KLF12: variants seen among roughly 807,000 people sequenced by gnomAD.
The protein encoded by KLF12 is Krueppel-like factor 12.
A neutral mutation model predicts 37.8 loss-of-function variants in KLF12; 9 were observed. The ratio of observed to expected loss-of-function variants is 0.24; its 90% CI spans 0.14 to 0.42. The LOEUF (loss-of-function observed/expected upper bound fraction) is 0.42, where lower values mean the gene tolerates loss of function less well. Ranked by LOEUF, KLF12 falls within the 10% of genes least tolerant of loss-of-function variation. The pLI is 1.00. For missense variants in KLF12, 411 were observed against 516.0 expected, an observed-to-expected ratio of 0.80 and a Z score of 1.97; for synonymous variants, 208 against 202.1, an observed-to-expected ratio of 1.03 and a Z score of -0.25.
the KLF12 span, among the ~76,000 whole-genome samples, chr13:74,302,744 C>T: frequency 3.9e-5 from 6 of 152,100 alleles, no homozygotes; most frequent in Admixed American, 2.6e-4. Context: ...AATGTGACTG[C>T]TTGGCTTGGA....
intron 1 of KLF12, among the ~76,000 whole-genome samples, chr13:73,997,749 A>G (rs936557777): frequency 6.6e-6 from 1 of 152,228 alleles, no homozygotes; most frequent in East Asian, 1.9e-4. Flanking sequence ...CTCATGACGC[A>G]TGGTTTTGGT....
At chr13:73,926,055 A>T (rs1889359634) in intron 3 of KLF12, among the ~76,000 whole-genome samples, 1 of 152,098 alleles carries the variant, frequency 6.6e-6, no homozygotes, top group Non-Finnish European at 1.5e-5. Flanking sequence ...GACATTGTTG[A>T]AACAACAACA....
chr13:74,028,052 G>A (rs765060405), intron 1 of KLF12, among the ~76,000 whole-genome samples: 1 of 152,124 alleles, frequency 6.6e-6, no homozygotes, highest in Admixed American at 6.6e-5. Flanking sequence ...TCCATTGCTA[G>A]AAAGTGGCAG....
the KLF12 span, among the ~76,000 whole-genome samples, chr13:74,279,916 C>A: frequency 6.6e-6 from 1 of 152,132 alleles, no homozygotes; most frequent in Non-Finnish European, 1.5e-5. Flanking sequence ...AGGTGAAAGT[C>A]TCTAAGAGCA....
chr13:74,121,515 T>C (rs952783098), intron 1 of KLF12, among the ~76,000 whole-genome samples: 4 of 152,028 alleles, frequency 2.6e-5, no homozygotes, highest in African/African-American at 9.7e-5. Flanking sequence ...AATCCAGCTA[T>C]GCATAAGATC....
the KLF12 span, among the ~76,000 whole-genome samples, chr13:74,214,860 T>C: frequency 6.6e-6 from 1 of 151,964 alleles, no homozygotes; most frequent in Non-Finnish European, 1.5e-5. Context: ...AGTGGCAGGA[T>C]CTCATCTCAC....
At chr13:73,861,818 A>T (rs2138808183) in intron 3 of KLF12, among the ~76,000 whole-genome samples, 1 of 152,286 alleles carries the variant, frequency 6.6e-6, no homozygotes, top group South Asian at 2.1e-4. Flanking sequence ...AGGTACTGGT[A>T]TGAATGCTGA....
chr13:73,995,634 A>C (rs577563345), intron 1 of KLF12, among the ~76,000 whole-genome samples: 29 of 152,314 alleles, frequency 1.9e-4, no homozygotes, highest in Non-Finnish European at 4.0e-4. Flanking sequence ...AAATTAATAT[A>C]TGTCCCTTCT....
At chr13:74,186,181 T>C in the KLF12 span, among the ~76,000 whole-genome samples, 1 of 152,160 alleles carries the variant, frequency 6.6e-6, no homozygotes, top group Non-Finnish European at 1.5e-5. Context: ...AGGATCATCT[T>C]GTCTAAGAGA....
intron 4 of KLF12, among the ~76,000 whole-genome samples, chr13:73,822,944 C>G (rs1883610942): frequency 6.6e-6 from 1 of 152,156 alleles, no homozygotes; most frequent in South Asian, 2.1e-4. Context: ...CCAATCAGCT[C>G]AAACCGATTT....
chr13:74,193,979 T>C, the KLF12 span, among the ~76,000 whole-genome samples: 1 of 152,184 alleles, frequency 6.6e-6, no homozygotes, highest in South Asian at 2.1e-4. Flanking sequence ...GATCTTTTGT[T>C]TTGCTGAACA....
intron 5 of KLF12, among the ~76,000 whole-genome samples, chr13:73,776,675 C>G (rs1474130941): frequency 1.3e-5 from 2 of 152,156 alleles, no homozygotes; most frequent in African/African-American, 4.8e-5. Flanking sequence ...TCATGCAGGA[C>G]AAGCCAAAGA....
At chr13:73,736,348 A>C (rs1470317634) in intron 6 of KLF12, among the ~76,000 whole-genome samples, 1 of 152,190 alleles carries the variant, frequency 6.6e-6, no homozygotes, top group Non-Finnish European at 1.5e-5. Context: ...TGTAAATTAT[A>C]AACTATTCAT....
At chr13:73,728,634 G>A (rs570107163) in intron 6 of KLF12, among the ~76,000 whole-genome samples, 2 of 152,266 alleles carry the variant, frequency 1.3e-5, no homozygotes, top group Non-Finnish European at 2.9e-5. Flanking sequence ...ATTACAAAAG[G>A]ATGTTGGATT....
chr13:74,105,227 A>C (rs9318247), intron 1 of KLF12, among the ~76,000 whole-genome samples: 9,944 of 152,254 alleles, frequency 0.065, 432 homozygotes, highest in African/African-American at 0.11. Context: ...CTGTCAAAGG[A>C]AATATTGACT....
chr13:73,720,296 G>A (rs1242920216), intron 6 of KLF12, among the ~76,000 whole-genome samples: 1 of 152,140 alleles, frequency 6.6e-6, no homozygotes, highest in East Asian at 1.9e-4. Context: ...TTGTTCAGAA[G>A]GCACCTGAAG....
chr13:74,237,513 A>G, the KLF12 span, among the ~76,000 whole-genome samples: 1 of 144,562 alleles, frequency 6.9e-6, no homozygotes, highest in Non-Finnish European at 1.5e-5. Flanking sequence ...ATGGCATTGA[A>G]TCTGTAAATT....
the KLF12 span, among the ~76,000 whole-genome samples, chr13:74,181,188 C>T: frequency 9.9e-5 from 15 of 151,354 alleles, no homozygotes; most frequent in African/African-American, 1.9e-4. Context: ...TTAGTAGAGA[C>T]GGGGTCTCAC....
the KLF12 span, among the ~76,000 whole-genome samples, chr13:74,227,908 A>G: frequency 3.3e-5 from 5 of 152,154 alleles, no homozygotes; most frequent in African/African-American, 4.8e-5. Context: ...AATGTTTTCA[A>G]TTTTCTAGTT....
Sources: gnomAD v4.1 joint callset for allele counts (sites outside exome capture counted in the v4.1 genomes callset) on GRCh38, gnomAD v4.1.1 for gene constraint, MANE v1.5 for transcripts, NCBI Gene and HGNC (gene_info 2026-07-23, HGNC 2026-07-21) for gene names.